The following CEP295 variants were observed in gnomAD, a reference collection of about 807,000 sequenced individuals.
CEP295 encodes centrosomal protein 295, also known as centrosomal protein of 295 kDa.
Under a neutral mutation model 291.6 loss-of-function variants are expected in CEP295, and 190 were observed. The observed-to-expected ratio is 0.65, with a 90% CI of 0.58 to 0.73. CEP295 has a LOEUF of 0.73. Ranked by LOEUF, CEP295 falls within the 30% of genes least tolerant of loss-of-function variation. The pLI, the probability that CEP295 is intolerant of heterozygous loss-of-function variation, is 0.00. For synonymous variants in CEP295, 993 were observed against 1,038.8 expected (o/e 0.96, Z 0.85); for missense variants, 2,863 against 2,949.4 (o/e 0.97, Z 0.68).
At chr11:93,676,416 G>A (rs891541986) in intron 6 of CEP295, among the ~76,000 whole-genome samples, 1 of 151,800 alleles carries the variant, frequency 6.6e-6, no homozygotes, top group Non-Finnish European at 1.5e-5. Context: ...GTCAGTGGGG[G>A]TTTTAATTTT....
At position 93,667,713 on chromosome 11, in the gene CEP295, A is replaced by G; in HGVS notation, c.215A>G (p.Glu72Gly). ...GCAGAGGAGCTAAGGGCAGAATGGGAAGAATCACAAACTCAGAAAATACAG... is the reference window on the plus strand; with the variant it reads ...GCAGAGGAGCTAAGGGCAGAATGGGGAGAATCACAAACTCAGAAAATACAG... ...RLAEELRAEW[E>G]ESQTQKIQNL... Residue 72 changes from glutamate (E) to glycine (G), a missense_variant, in exon 3 of 30, where the codon GAA becomes GGA. Around this residue, in one of 3 missense-constraint regions of CEP295, gnomAD observed 554 missense variants for 576.0 expected, o/e 0.96. Transcript: ENST00000325212. 6.4e-7 allele frequency: 1 copy of G among 1,551,540 alleles called. No homozygotes were observed. The highest frequency in any genetic ancestry group is 8.7e-7 in the Non-Finnish European group (1 of 1,146,860).
rs1364157838 is a variant in CEP295 at position 93,730,155 on chromosome 11, A to G, written c.7767+7A>G. ...GGCAAAAGAATTCCATAAGGTGAGT[A>G]TAACTGAGGGAGAAGGACTTAATTT... On this transcript the variant is annotated splice_region_variant and intron_variant, in intron 29 of 29. Coordinates refer to ENST00000325212, the MANE Select transcript of CEP295 (RefSeq NM_033395.2). The G allele has an allele frequency of 1.0e-5, 16 of 1,551,062 alleles. No individual in the cohort carries two copies. The East Asian group carries it at 3.2e-4, about 31-fold the overall frequency.
Position 93,729,422 on chromosome 11 carries a change from T to C in CEP295, c.7303-12T>C. 2 of 1,529,400 alleles carry C rather than the reference T, an allele frequency of 1.3e-6. No individual in the cohort carries two copies. Among genetic ancestry groups the C allele is most frequent in the Non-Finnish European group, 1.8e-6 (2 of 1,126,616 alleles). 94.7% of individuals were successfully genotyped at this position (1,529,400 alleles called of 1,614,324 possible). A position where few individuals can be genotyped will look rare whatever the true frequency, so the allele number is the denominator to read the frequency against. ...TTAAAAAGAGTAAAACATGCAACTT[T>C]CTTGCCATTAGGTGAGTGAGTTTCT... On this transcript the variant is annotated splice_polypyrimidine_tract_variant and intron_variant, in intron 25 of 29. Transcript: ENST00000325212.
At chr11:93,700,736 G>A (rs921579140) in intron 15 of CEP295, among the ~76,000 whole-genome samples, 1 of 152,028 alleles carries the variant, frequency 6.6e-6, no homozygotes, top group Non-Finnish European at 1.5e-5. Context: ...AAACAATGTA[G>A]ATTCTTATTT....
chr11:93,674,953 A>G (rs530916021), intron 5 of CEP295, among the ~76,000 whole-genome samples: 2 of 152,326 alleles, frequency 1.3e-5, no homozygotes, highest in African/African-American at 4.8e-5. Context: ...TAGTTAATTA[A>G]TTTAACATCA....
At chr11:93,715,006 C>G (rs1164847714) in intron 18 of CEP295, among the ~76,000 whole-genome samples, 2 of 152,306 alleles carry the variant, frequency 1.3e-5, no homozygotes, top group East Asian at 3.9e-4. Flanking sequence ...TGCCTACCAT[C>G]TTTGTTCATT....
chr11:93,681,479 G>T (rs1591003770), intron 7 of CEP295, among the ~76,000 whole-genome samples: 2 of 136,744 alleles, frequency 1.5e-5, no homozygotes, highest in East Asian at 4.4e-4. Flanking sequence ...GCAATGGCGT[G>T]ATCTTGGCTC....
At chr11:93,663,127 T>A (rs1950060800) in intron 1 of CEP295, among the ~76,000 whole-genome samples, 1 of 152,234 alleles carries the variant, frequency 6.6e-6, no homozygotes, top group Admixed American at 6.5e-5. Context: ...TCACATATCT[T>A]AATCTCCTGC....
chr11:93,685,730 A>G lies in CEP295; in HGVS notation c.1114+1602A>G, dbSNP rs1431661013. 4.6e-5 allele frequency among the ~76,000 whole-genome samples: 4 copies of G among 87,058 alleles called. No homozygotes were observed. The Admixed American group carries it at 5.4e-4, about 12-fold the overall frequency. The allele number at this position is 87,058 out of a possible 152,430, so 57.1% of individuals were successfully genotyped here. ...TTTGTTTGTTTGTTTGTTTGTTTTGAGATGGAGTCTTGCTCTGTTGCCCAG... is the reference window on the plus strand; with the variant it reads ...TTTGTTTGTTTGTTTGTTTGTTTTGGGATGGAGTCTTGCTCTGTTGCCCAG... On this transcript the variant is annotated intron_variant, in intron 9 of 29. Coordinates refer to ENST00000325212, the MANE Select transcript of CEP295 (RefSeq NM_033395.2).
At position 93,679,611 on chromosome 11, in the gene CEP295, A is replaced by G. The variant is rs1950864355; in HGVS notation, c.765+59A>G. On this transcript the variant is annotated intron_variant, in intron 7 of 29. Transcript: ENST00000325212. ...ATGGACTTACTAATAGCATTGCAGG[A>G]CTGATTAGTGAATGAGCTCAAAGAA... 2.9e-6 allele frequency: 4 copies of G among 1,380,110 alleles called. No individual in the cohort carries two copies. In the East Asian group the frequency reaches 1.0e-4, roughly 35 times the overall value. 85.5% of individuals were successfully genotyped at this position (1,380,110 alleles called of 1,614,324 possible). A position where few individuals can be genotyped will look rare whatever the true frequency, so the allele number is the denominator to read the frequency against.
chr11:93,687,948 A>G (rs1951326514), intron 10 of CEP295, 83 bp downstream of exon 10: 1 of 917,456 alleles, frequency 1.1e-6, no homozygotes, highest in Admixed American at 3.2e-5. Context: ...ATCAAAGAAT[A>G]GAGGTTAAAA....
intron 22 of CEP295, among the ~76,000 whole-genome samples, 194 bp downstream of exon 22, chr11:93,724,569 C>A (rs929810585): frequency 1.3e-5 from 2 of 151,918 alleles, no homozygotes; most frequent in Non-Finnish European, 2.9e-5. Context: ...GAGTTCGAGA[C>A]CAGCCTGGCC....
intron 18 of CEP295, among the ~76,000 whole-genome samples, chr11:93,716,624 C>G (rs896342449): frequency 4.6e-5 from 7 of 152,182 alleles, no homozygotes; most frequent in African/African-American, 1.7e-4. Flanking sequence ...AAAGACAGTA[C>G]TTGGCTTTTA....
rs77359847 is a variant in CEP295, at chr11:93,727,010, A to G, written c.6534A>G (p.Glu2178=). ...SEQCFEQLQP[E]YSSQEESQHA... is the part of the protein sequence containing the mutation. ...AATGTTTTGAACAGCTTCAGCCAGA[A>G]TATTCTTCACAGGAGGAGAGCCAGC... Residue 2178 remains glutamate, a synonymous_variant, in exon 24 of 30, where the codon GAA becomes GAG. Transcript: ENST00000325212. The G allele has an allele frequency of 2.2e-3, 3,394 of 1,541,404 alleles. 97 individuals carry two copies. In the East Asian group the frequency reaches 0.068, roughly 31 times the overall value.
In CEP295 at chr11:93,679,405, C is replaced by T; in HGVS notation, c.625-7C>T. 1 of 1,545,486 alleles carries T rather than the reference C, an allele frequency of 6.5e-7. No individual in the cohort carries two copies. The highest frequency in any genetic ancestry group is 8.7e-7 in the Non-Finnish European group (1 of 1,144,256). On this transcript the variant is annotated splice_polypyrimidine_tract_variant and splice_region_variant and intron_variant, in intron 6 of 29. Transcript: ENST00000325212. ...AATTTTGCCTACAATTTTTGATTGA[C>T]TGCTAGCCAGATGCTCGTTTGGCTG...
chr11:93,729,570 G>C, intron 26 of CEP295, 40 bp downstream of exon 26: 1 of 1,548,288 alleles, frequency 6.5e-7, no homozygotes, highest in Non-Finnish European at 8.7e-7. Flanking sequence ...ATGGAAAGTA[G>C]ATACTTTGCC....
At chr11:93,694,750 A>G (rs1312347201) in intron 12 of CEP295, among the ~76,000 whole-genome samples, 1 of 152,248 alleles carries the variant, frequency 6.6e-6, no homozygotes, top group Non-Finnish European at 1.5e-5. Flanking sequence ...CACACTACTT[A>G]GAATAGTGCA....
chr11:93,727,748 A>G, intron 24 of CEP295, 111 bp downstream of exon 24: 1 of 853,116 alleles, frequency 1.2e-6, no homozygotes, highest in Admixed American at 3.0e-5. Flanking sequence ...GGCTGAACTC[A>G]AACTCCTAGG....
chr11:93,712,863 T>C (rs931410125), intron 18 of CEP295, among the ~76,000 whole-genome samples: 4 of 146,654 alleles, frequency 2.7e-5, no homozygotes, highest in African/African-American at 1.0e-4. Flanking sequence ...TGTTTTGTTG[T>C]TGTTGTTGTT....
Sources: gnomAD v4.1 joint callset for allele counts (sites outside exome capture counted in the v4.1 genomes callset) on GRCh38, gnomAD v4.1.1 for gene constraint, gnomAD v4.1.1 regional missense constraint, MANE v1.5 for transcripts, NCBI Gene and HGNC (gene_info 2026-07-23, HGNC 2026-07-21) for gene names.